PGC: variants seen among roughly 807,000 people sequenced by gnomAD.
The protein encoded by PGC is gastricsin.
In PGC, 31 loss-of-function variants were observed where a neutral mutation model predicts 45.9. The ratio of observed to expected loss-of-function variants is 0.67; its 90% CI spans 0.51 to 0.91. The LOEUF (loss-of-function observed/expected upper bound fraction) is 0.91. Ranked by LOEUF, PGC falls within the 40% of genes least tolerant of loss-of-function variation. The pLI, the probability that PGC is intolerant of heterozygous loss-of-function variation, is 0.00. For missense variants in PGC, 477 were observed against 493.2 expected (o/e 0.97, Z 0.31); for synonymous variants, 192 against 201.8 (o/e 0.95, Z 0.41).
rs552945752 is a variant in PGC at position 41,738,251 on chromosome 6, CAT to C, written c.916-425_916-424del. ...GCATATATATATGTATATATATATG[CAT>C]ATATATATATGCACACACACACACA... On this transcript the variant is annotated intron_variant, in intron 7 of 8. Coordinates refer to ENST00000373025, the MANE Select transcript of PGC (RefSeq NM_002630.4). Among the ~76,000 whole-genome samples, 64 of 11,530 alleles carry C rather than the reference CAT, an allele frequency of 5.6e-3. 2 individuals carry two copies. The highest frequency in any genetic ancestry group is 0.013 in the South Asian group (4 of 298). 7.6% of individuals were successfully genotyped at this position (11,530 alleles called of 152,430 possible).
chr6:41,747,083 G>A lies in PGC; in HGVS notation c.59+193C>T, dbSNP rs1771941313. Reference sequence around the variant, plus strand: ...ATCGTGCTTTTCCCTTTGATAGGAAGTTTCCTGAAGGCAGGGGCTGTGTCT... The same window carrying A: ...ATCGTGCTTTTCCCTTTGATAGGAAATTTCCTGAAGGCAGGGGCTGTGTCT... On this transcript the variant is annotated intron_variant, in intron 1 of 8. Transcript: ENST00000373025. 2.0e-5 allele frequency among the ~76,000 whole-genome samples: 3 copies of A among 152,220 alleles called. No homozygotes were observed. The South Asian group carries it at 6.2e-4, about 31-fold the overall frequency.
chr6:41,742,227 C>T, intron 5 of PGC, 63 bp downstream of exon 5: 1 of 1,460,416 alleles, frequency 6.8e-7, no homozygotes, highest in Non-Finnish European at 9.5e-7. Flanking sequence ...CACTGAGCCT[C>T]AGTCGTCCAG....
Position 41,744,184 on chromosome 6 carries a change from C to T in PGC, c.328+213G>A, listed in dbSNP as rs1370773141. On this transcript the variant is annotated intron_variant, in intron 3 of 8. Coordinates refer to ENST00000373025, the MANE Select transcript of PGC (RefSeq NM_002630.4). The surrounding 1 kb of genome is among the most constrained non-coding windows in gnomAD (Gnocchi z 4.4). ...AGGGGCTGGCATAAGCAAAGGGATA[C>T]ATATTGGCAGGGAAGGCAAAGGGGC... 1.3e-5 allele frequency among the ~76,000 whole-genome samples: 2 copies of T among 152,142 alleles called. No individual in the cohort carries two copies. The highest frequency in any genetic ancestry group is 2.4e-5 in the African/African-American group (1 of 41,438).
At chr6:41,747,253 C>T in intron 1 of PGC, 23 bp downstream of exon 1, 1 of 1,609,428 alleles carries the variant, frequency 6.2e-7, no homozygotes, top group Non-Finnish European at 8.5e-7. Context: ...CTCCCTGCAC[C>T]AGCAGCCAGA....
chr6:41,744,373 C>G lies in PGC; in HGVS notation c.328+24G>C, dbSNP rs1771887339. The G allele has an allele frequency of 6.5e-7, 1 of 1,545,008 alleles. No individual in the cohort carries two copies. Among genetic ancestry groups the G allele is most frequent in the East Asian group, 2.3e-5 (1 of 44,252 alleles). ...CAGTGCCTTGCCCTGCCAACCACCC[C>G]TCTCTGCCCAGCCCAGCACTCACTG... On this transcript the variant is annotated intron_variant, in intron 3 of 8. Transcript: ENST00000373025. The surrounding 1 kb of genome is among the most constrained non-coding windows in gnomAD (Gnocchi z 4.4).
chr6:41,738,241 T>TATATATAC (rs1771751775), intron 7 of PGC, among the ~76,000 whole-genome samples: 8 of 21,780 alleles, frequency 3.7e-4, no homozygotes, highest in African/African-American at 1.1e-3. Context: ...TATATATGTA[T>TATATATAC]ATATATATGC....
chr6:41,738,239 T>TACATATATATATAC (rs1771750946), intron 7 of PGC, among the ~76,000 whole-genome samples: 5 of 49,862 alleles, frequency 1.0e-4, no homozygotes, highest in African/African-American at 3.9e-4. Flanking sequence ...TATATATATG[T>TACATATATATATAC]ATATATATAT....
Position 41,736,940 on chromosome 6 carries a change from A to G in PGC, c.1079T>C (p.Leu360Pro), listed in dbSNP as rs781482657. ...GAGGAAGACATCCCCGAGGATCCAC[A>G]GGGGCTGGCCGTTCTGGGAGGACAG... ...TYLSSQNGQP[L>P]WILGDVFLRS... Residue 360 changes from leucine (L) to proline (P), a missense_variant, in exon 9 of 9, where the codon CTG (leucine) becomes CCG (proline). Coordinates refer to ENST00000373025, the MANE Select transcript of PGC (RefSeq NM_002630.4). The G allele has an allele frequency of 1.2e-6, 2 of 1,613,938 alleles. No individual in the cohort carries two copies. Among genetic ancestry groups the G allele is most frequent in the Non-Finnish European group, 1.7e-6 (2 of 1,179,832 alleles).
chr6:41,742,236 AGGGC>A, intron 5 of PGC, 50 bp downstream of exon 5: 1 of 1,522,414 alleles, frequency 6.6e-7, no homozygotes. Flanking sequence ...TCAGTCGTCC[AGGGC>A]GGCCGGGGGA....
Position 41,736,926 on chromosome 6 carries a change from C to T in PGC, c.1093G>A (p.Asp365Asn), listed in dbSNP as rs1771692962. The T allele has an allele frequency of 6.2e-7, 1 of 1,613,934 alleles. No individual in the cohort carries two copies. Residue 365 changes from aspartate to asparagine, a missense_variant, in exon 9 of 9, where the codon GAT becomes AAT. Physicochemically the swap from Asp to Asn is conservative, Grantham distance 23 (BLOSUM62 1). Transcript: ENST00000373025. ...QNGQPLWILGDVFLRSYYSVY... is the reference protein window; with the variant it reads ...QNGQPLWILGNVFLRSYYSVY... ...GAATAGTAGGACCTGAGGAAGACAT[C>T]CCCGAGGATCCACAGGGGCTGGCCG...
intron 7 of PGC, among the ~76,000 whole-genome samples, chr6:41,738,169 T>TGC (rs769794699): frequency 0.13 from 4,873 of 37,954 alleles, 363 homozygotes; most frequent in Non-Finnish European, 0.18. Flanking sequence ...TATATATGCA[T>TGC]ATATATATAC....
chr6:41,742,574 G>C (rs750986779), intron 4 of PGC, 85 bp from the exon 5 acceptor site: 63 of 970,326 alleles, frequency 6.5e-5, no homozygotes, highest in Non-Finnish European at 9.8e-5. Context: ...TCAAGCCTCT[G>C]TTCATCCCTT....
chr6:41,747,086 T>G (rs1771941365), intron 1 of PGC, among the ~76,000 whole-genome samples, 190 bp downstream of exon 1: 1 of 152,220 alleles, frequency 6.6e-6, no homozygotes, highest in Admixed American at 6.5e-5. Context: ...ATAGGAAGTT[T>G]CCTGAAGGCA....
At position 41,744,123 on chromosome 6, in the gene PGC, G is replaced by A. The variant is rs192074969; in HGVS notation, c.328+274C>T. ...GGAATGGCACTGCCCAGAGTAAACA[G>A]AATGGGGAGAGTGGAATAAAAGGGA... On this transcript the variant is annotated intron_variant, in intron 3 of 8. Transcript: ENST00000373025. The surrounding 1 kb of genome is among the most constrained non-coding windows in gnomAD (Gnocchi z 4.4). Among the ~76,000 whole-genome samples the A allele has an allele frequency of 1.6e-3, 239 of 152,292 alleles. No individual in the cohort carries two copies. The highest frequency in any genetic ancestry group is 5.4e-3 in the South Asian group (26 of 4,828).
rs1385640827 is a variant in PGC, at chr6:41,739,810, C to T, written c.904G>A (p.Glu302Lys). Residue 302 changes from glutamate (E) to lysine (K), a missense_variant, in exon 7 of 9, where the codon GAG (glutamate) becomes AAG (lysine). Glu to Lys is a moderately conservative substitution (Grantham distance 56). Coordinates refer to ENST00000373025, the MANE Select transcript of PGC (RefSeq NM_002630.4). ...LLQATGAQED[E>K]YGQFLVNCNS... ...CTCACCAGTCACACCTGTCCATACT[C>T]ATCCTCCTGGGCCCCTGTGGCCTGC... 6.2e-7 allele frequency: 1 copy of T among 1,613,706 alleles called. No homozygotes were observed. Among genetic ancestry groups the T allele is most frequent in the Admixed American group, 1.7e-5 (1 of 59,976 alleles).
chr6:41,741,930 G>T, intron 5 of PGC: 1 of 1,071,256 alleles, frequency 9.3e-7, no homozygotes, highest in South Asian at 1.3e-5. Context: ...AGAAGGAAGT[G>T]AGCGAACTGC....
chr6:41,742,423 C>A lies in PGC; in HGVS notation c.514G>T (p.Val172Phe), dbSNP rs551237165. 6.2e-7 allele frequency: 1 copy of A among 1,614,116 alleles called. No homozygotes were observed. The highest frequency in any genetic ancestry group is 1.1e-5 in the South Asian group (1 of 91,082). ...ATGATGCCATCAAACTGCGCATAGACGAAGTTGGTACCAGGCTCATTCTCA... is the reference window on the plus strand; with the variant it reads ...ATGATGCCATCAAACTGCGCATAGAAGAAGTTGGTACCAGGCTCATTCTCA... Reference protein sequence around the residue: ...LSENEPGTNFVYAQFDGIMGL... With the variant: ...LSENEPGTNFFYAQFDGIMGL... The change falls in exon 5 of 9, where the codon GTC (valine) becomes TTC (phenylalanine). Residue 172 changes from valine (V) to phenylalanine (F), a missense_variant. By Grantham distance (50) the Val-to-Phe change is conservative. Coordinates refer to ENST00000373025, the MANE Select transcript of PGC (RefSeq NM_002630.4).
At position 41,738,171 on chromosome 6, in the gene PGC, T is replaced by TATATATAC. The variant is rs1561879718; in HGVS notation, c.916-351_916-344dup. 1.7e-3 allele frequency among the ~76,000 whole-genome samples: 91 copies of TATATATAC among 52,188 alleles called. 3 individuals carry two copies. The highest frequency in any genetic ancestry group is 5.0e-3 in the African/African-American group (89 of 17,860). The allele number at this position is 52,188 out of a possible 152,430, so 34.2% of individuals were successfully genotyped here. ...ATATATATATACATATATATGCATA[T>TATATATAC]ATATATACATATATATATGCATATA... On this transcript the variant is annotated intron_variant, in intron 7 of 8. Coordinates refer to ENST00000373025, the MANE Select transcript of PGC (RefSeq NM_002630.4).
At chr6:41,737,676 C>T (rs1266218928) in intron 8 of PGC, 54 bp downstream of exon 8, 7 of 1,085,082 alleles carry the variant, frequency 6.5e-6, no homozygotes, top group Non-Finnish European at 1.0e-5. Context: ...GGCTCCCCAG[C>T]CCTTCCTCCC....
Sources: gnomAD v4.1 joint callset for allele counts (sites outside exome capture counted in the v4.1 genomes callset) on GRCh38, gnomAD v4.1.1 for gene constraint, Gnocchi (gnomAD v3.1) non-coding constraint, MANE v1.5 for transcripts, NCBI Gene and HGNC (gene_info 2026-07-23, HGNC 2026-07-21) for gene names.